FTSJ3: variants seen among roughly 807,000 people sequenced by gnomAD.
The protein encoded by FTSJ3 is FtsJ RNA 2'-O-methyltransferase 3.
A neutral mutation model predicts 111.5 loss-of-function variants in FTSJ3; 46 were observed. The observed-to-expected ratio is 0.41, with a 90% CI of 0.33 to 0.53. The LOEUF (loss-of-function observed/expected upper bound fraction) is 0.53. Among genes scored for constraint, FTSJ3 ranks in the 20% least tolerant of loss-of-function variants. The probability of loss-of-function intolerance (pLI) is 0.19; values close to 1 mark genes in which losing one functional copy is unlikely to be tolerated. For missense variants in FTSJ3, 1,075 were observed against 1,063.8 expected, an observed-to-expected ratio of 1.01 and a Z score of -0.15; for synonymous variants, 408 against 383.0, an observed-to-expected ratio of 1.07 and a Z score of -0.76.
chr17:63,824,773 C>T lies in FTSJ3; in HGVS notation c.817-36G>A, dbSNP rs757417705. On this transcript the variant is annotated intron_variant, in intron 9 of 20. Transcript: ENST00000427159. Reference sequence around the variant, plus strand: ...GGATGGAAAGGTGTCAGGGGAGATCCTCAGGCCATGTTTCTGGGGCTACCT... The same window carrying T: ...GGATGGAAAGGTGTCAGGGGAGATCTTCAGGCCATGTTTCTGGGGCTACCT... 19 of 1,607,664 alleles carry T rather than the reference C, an allele frequency of 1.2e-5. No homozygotes were observed. The East Asian group carries it at 4.2e-4, about 36-fold the overall frequency.
In FTSJ3 at chr17:63,826,039, A is replaced by G; in HGVS notation, c.300+17T>C. ...GTTTCCGTATAAAGGGGGAAGGAAG[A>G]GAGAGACTCCTATTACCTGCCTACA... On this transcript the variant is annotated intron_variant, in intron 5 of 20. Transcript: ENST00000427159. 1 of 1,581,166 alleles carries G rather than the reference A, an allele frequency of 6.3e-7. No homozygotes were observed. Among genetic ancestry groups the G allele is most frequent in the Non-Finnish European group, 8.7e-7 (1 of 1,153,966 alleles).
rs753792807 is a variant in FTSJ3, at chr17:63,826,304, C to T, written c.174G>A (p.Trp58Ter). 3 of 1,614,030 alleles carry T rather than the reference C, an allele frequency of 1.9e-6. No individual in the cohort carries two copies. The highest frequency in any genetic ancestry group is 2.5e-6 in the Non-Finnish European group (3 of 1,179,958). ...LLDLCAAPGG[W>*]LQVAAKFMPV... ...GCATAAACTTGGCAGCTACCTGCAG[C>T]CTATAAAAGGAACAGAAATTTAAAA... is the stretch of plus-strand genomic sequence containing the variant. Residue 58 changes from tryptophan to a stop codon, truncating the protein, a stop_gained and splice_region_variant, in exon 4 of 21, where the codon TGG (tryptophan) becomes TGA (stop). Transcript: ENST00000427159. LOFTEE classifies it high-confidence loss of function.
intron 5 of FTSJ3, 25 bp downstream of exon 5, chr17:63,826,031 G>A (rs1274767024): frequency 1.3e-6 from 2 of 1,557,312 alleles, no homozygotes; most frequent in South Asian, 1.1e-5. Flanking sequence ...TATAAAGGGG[G>A]AAGGAAGAGA....
rs887126953 is a variant in FTSJ3 at position 63,827,393 on chromosome 17, G to A, written c.-368C>T. 2.0e-6 allele frequency: 3 copies of A among 1,528,368 alleles called. No homozygotes were observed. Among genetic ancestry groups the A allele is most frequent in the African/African-American group, 2.8e-5 (2 of 72,608 alleles). 94.7% of individuals were successfully genotyped at this position (1,528,368 alleles called of 1,614,324 possible). On this transcript the variant is annotated 5_prime_UTR_variant, in exon 1 of 21. Coordinates refer to ENST00000427159, the MANE Select transcript of FTSJ3 (RefSeq NM_017647.4). ...GCCGCACACCCCGCCCATTGACCCG[G>A]AATTCTTCTCTGCCTGGTCTTCAGG...
At chr17:63,826,711 T>C in intron 2 of FTSJ3, 39 bp from the exon 3 acceptor site, 1 of 1,578,442 alleles carries the variant, frequency 6.3e-7, no homozygotes, top group Non-Finnish European at 8.7e-7. Flanking sequence ...GCTTCACTAG[T>C]AGGATTTCTC....
chr17:63,825,991 T>C, intron 5 of FTSJ3, 65 bp downstream of exon 5: 1 of 1,371,040 alleles, frequency 7.3e-7, no homozygotes, highest in Non-Finnish European at 1.0e-6. Flanking sequence ...AACTTGCCTT[T>C]AGAGGATTTC....
At chr17:63,821,006 T>C (rs370663210) in intron 17 of FTSJ3, 24 bp downstream of exon 17, 31 of 1,608,952 alleles carry the variant, frequency 1.9e-5, no homozygotes, top group Non-Finnish European at 2.6e-5. Context: ...TCTTTTCTCA[T>C]TCCACTGCAT....
intron 9 of FTSJ3, 29 bp downstream of exon 9, chr17:63,824,796 C>A: frequency 6.2e-7 from 1 of 1,605,536 alleles, no homozygotes; most frequent in Middle Eastern, 1.7e-4. Context: ...TCTGGGGCTA[C>A]CTCATGTCCC....
rs771302233 is a variant in FTSJ3, at chr17:63,819,912, G to A, written c.2434C>T (p.Arg812Cys). The A allele has an allele frequency of 5.6e-6, 9 of 1,614,184 alleles. No individual in the cohort carries two copies. The highest frequency in any genetic ancestry group is 2.2e-5 in the South Asian group (2 of 91,090). ...VAKKGVGRKV[R>C]RPAGVRGHFK... is the part of the protein sequence containing the mutation. Reference sequence around the variant, plus strand: ...TGACCTCTGACTCCAGCTGGCCGGCGCACTTTGCGGCCCACACCTTTTTTG... The same window carrying A: ...TGACCTCTGACTCCAGCTGGCCGGCACACTTTGCGGCCCACACCTTTTTTG... Residue 812 changes from arginine (R) to cysteine (C), a missense_variant, in exon 21 of 21, where the codon CGC (arginine) becomes TGC (cysteine). Physicochemically the swap from Arg to Cys is radical, Grantham distance 180. Transcript: ENST00000427159.
At position 63,825,060 on chromosome 17, in the gene FTSJ3, C is replaced by G. The variant is rs889135352; in HGVS notation, c.699G>C (p.Lys233Asn). ...CCCCAAAACACACCTTTGGCTTCTT[C>G]TTAGTAACCAATTCAGTAACGGTCT... is the stretch of plus-strand genomic sequence containing the variant. ...QAKTVTELVTKKKPKAEGYAE... is the reference protein window; with the variant it reads ...QAKTVTELVTNKKPKAEGYAE... The change falls in exon 8 of 21, where the codon AAG becomes AAC. Residue 233 changes from lysine (K) to asparagine (N), a missense_variant. Lys to Asn is a moderately conservative substitution (Grantham distance 94, BLOSUM62 0). Coordinates refer to ENST00000427159, the MANE Select transcript of FTSJ3 (RefSeq NM_017647.4). The G allele has an allele frequency of 1.2e-6, 2 of 1,613,874 alleles. No homozygotes were observed. Among genetic ancestry groups the G allele is most frequent in the African/African-American group, 2.7e-5 (2 of 74,932 alleles).
chr17:63,827,086 C>G lies in FTSJ3; in HGVS notation c.-61G>C, dbSNP rs942425012. 4 of 611,372 alleles carry G rather than the reference C, an allele frequency of 6.5e-6. No homozygotes were observed. Among genetic ancestry groups the G allele is most frequent in the South Asian group, 1.9e-5 (1 of 52,576 alleles). The allele number at this position is 611,372 out of a possible 1,614,324, so 37.9% of individuals were successfully genotyped here. ...GAGCCGCTTTCTCCACACTTGGAAC[C>G]GCACAAGTATGCAGCTAACTACTTC... On this transcript the variant is annotated 5_prime_UTR_variant, in exon 1 of 21. Coordinates refer to ENST00000427159, the MANE Select transcript of FTSJ3 (RefSeq NM_017647.4).
At chr17:63,823,375 C>G (rs1024729068) in intron 13 of FTSJ3, among the ~76,000 whole-genome samples, 1 of 152,172 alleles carries the variant, frequency 6.6e-6, no homozygotes, top group Admixed American at 6.5e-5. Context: ...GTGGGCAGAT[C>G]ACGAGGTCAG....
rs1010766858 is a variant in FTSJ3, at chr17:63,827,433, T to G, written c.-408A>C. 6.4e-7 allele frequency: 1 copy of G among 1,551,634 alleles called. No homozygotes were observed. On this transcript the variant is annotated 5_prime_UTR_variant, in exon 1 of 21. Transcript: ENST00000427159. ...TGGTCTTCAGGTCCCAATCCTCCGC[T>G]TCCGCGCTTGCGCGCCAAGACGGCT...
At position 63,821,418 on chromosome 17, in the gene FTSJ3, C is replaced by T. The variant is rs1332018072; in HGVS notation, c.1822G>A (p.Glu608Lys). ...SSGTEAATGL[E>K]GEEKDGISDS... Reference sequence around the variant, plus strand: ...GAGATGCCATCCTTTTCTTCCCCTTCAAGGCCAGTGGCAGCTTCTGTCCCC... The same window carrying T: ...GAGATGCCATCCTTTTCTTCCCCTTTAAGGCCAGTGGCAGCTTCTGTCCCC... The change falls in exon 16 of 21, where the codon GAA (glutamate) becomes AAA (lysine). Residue 608 changes from glutamate (E) to lysine (K), a missense_variant. By Grantham distance (56) the Glu-to-Lys change is moderately conservative. This residue lies in a region of FTSJ3 where 867 missense variants were observed against 796.9 expected (regional missense o/e 1.09). Transcript: ENST00000427159. 8.7e-6 allele frequency: 14 copies of T among 1,614,176 alleles called. 1 individual carries two copies. The highest frequency in any genetic ancestry group is 3.3e-4 in the Middle Eastern group (2 of 6,022).
Position 63,820,509 on chromosome 17 carries a change from G to A in FTSJ3, c.2073-71C>T, listed in dbSNP as rs61572039. 8.2e-3 allele frequency: 12,225 copies of A among 1,485,054 alleles called. 836 individuals carry two copies. The African/African-American group carries it at 0.15, about 18-fold the overall frequency. 92.0% of individuals were successfully genotyped at this position (1,485,054 alleles called of 1,614,324 possible). ...CTAAAGAAATTACCAGACTGGGCACGGTGGCTCACGCCTGTAATCCCTGCA... is the reference window on the plus strand; with the variant it reads ...CTAAAGAAATTACCAGACTGGGCACAGTGGCTCACGCCTGTAATCCCTGCA... On this transcript the variant is annotated intron_variant, in intron 18 of 20. Transcript: ENST00000427159.
rs1296587201 is a variant in FTSJ3 at position 63,827,345 on chromosome 17, C to G, written c.-320G>C. 9.1e-7 allele frequency: 1 copy of G among 1,098,900 alleles called. No homozygotes were observed. Among genetic ancestry groups the G allele is most frequent in the Non-Finnish European group, 1.3e-6 (1 of 754,840 alleles). 68.1% of individuals were successfully genotyped at this position (1,098,900 alleles called of 1,614,324 possible). ...GAACTCGAGTAGCCGCCCCTCCCAT[C>G]ATGGTTCCCTTAGTGTGGTCTCGCC... On this transcript the variant is annotated 5_prime_UTR_variant, in exon 1 of 21. An upstream start codon of the reference 5' UTR is lost. Coordinates refer to ENST00000427159, the MANE Select transcript of FTSJ3 (RefSeq NM_017647.4).
intron 13 of FTSJ3, 128 bp downstream of exon 13, chr17:63,823,689 C>G (rs2144606836): frequency 1.0e-6 from 1 of 1,003,788 alleles, no homozygotes; most frequent in Non-Finnish European, 1.5e-6. Context: ...CACCAAGGCA[C>G]CCTGTGGTGA....
chr17:63,826,678 C>A lies in FTSJ3; in HGVS notation c.68-6G>T. The A allele has an allele frequency of 6.2e-7, 1 of 1,611,658 alleles. No homozygotes were observed. Among genetic ancestry groups the A allele is most frequent in the Non-Finnish European group, 8.5e-7 (1 of 1,177,960 alleles). Reference sequence around the variant, plus strand: ...AGCAGATCGGGAACGGTAACCTGGACAAAACAACCAAGTGCGCAAACTGCT... The same window carrying A: ...AGCAGATCGGGAACGGTAACCTGGAAAAAACAACCAAGTGCGCAAACTGCT... On this transcript the variant is annotated splice_region_variant and splice_polypyrimidine_tract_variant and intron_variant, in intron 2 of 20. Coordinates refer to ENST00000427159, the MANE Select transcript of FTSJ3 (RefSeq NM_017647.4).
At chr17:63,824,545 T>A (rs1216757641) in intron 10 of FTSJ3, 92 bp downstream of exon 10, 33 of 1,424,580 alleles carry the variant, frequency 2.3e-5, no homozygotes, top group Non-Finnish European at 3.0e-5. Context: ...CCCAAACCTT[T>A]AGCACAGCAA....
Sources: allele counts gnomAD v4.1 joint callset (sites outside exome capture counted in the v4.1 genomes callset), GRCh38; gene constraint gnomAD v4.1.1; regional missense constraint gnomAD v4.1.1; transcripts MANE v1.5; gene names NCBI Gene and HGNC (gene_info 2026-07-23, HGNC 2026-07-21).